TYW1B: variants seen among roughly 807,000 people sequenced by gnomAD.
The protein encoded by TYW1B is tRNA-yW synthesizing protein 1 homolog B, also known as S-adenosyl-L-methionine-dependent tRNA 4-demethylwyosine synthase TYW1B.
In TYW1B, 73 loss-of-function variants were observed where a neutral mutation model predicts 86.9. The observed-to-expected ratio is 0.84, with a 90% confidence interval of 0.70 to 1.02. The LOEUF (loss-of-function observed/expected upper bound fraction) is 1.02, where lower values mean the gene tolerates loss of function less well. TYW1B is among the 50% of genes least tolerant of loss of function. The pLI is 0.00. For missense variants in TYW1B, 637 were observed against 827.4 expected (o/e 0.77, Z 2.82); for synonymous variants, 248 against 292.8 (o/e 0.85, Z 1.56).
At chr7:72,668,179 G>A (rs1158549849) in intron 11 of TYW1B, among the ~76,000 whole-genome samples, 1 of 152,104 alleles carries the variant, frequency 6.6e-6, no homozygotes, top group African/African-American at 2.4e-5. Flanking sequence ...TTGTTTTTCT[G>A]TAATGTTATC....
chr7:72,583,672 C>T (rs1423884466), intron 13 of TYW1B, among the ~76,000 whole-genome samples: 3 of 152,208 alleles, frequency 2.0e-5, no homozygotes, highest in Non-Finnish European at 4.4e-5. Context: ...CATCAACAAC[C>T]TCAGCCAAAA....
At chr7:72,750,726 T>C (rs782237013) in intron 7 of TYW1B, among the ~76,000 whole-genome samples, 1 of 152,198 alleles carries the variant, frequency 6.6e-6, no homozygotes, top group Non-Finnish European at 1.5e-5. Context: ...TTACCACAAA[T>C]TAAGCATCCC....
At chr7:72,791,742 CTCT>C (rs1318949693) in intron 6 of TYW1B, among the ~76,000 whole-genome samples, 1 of 152,160 alleles carries the variant, frequency 6.6e-6, no homozygotes, top group Non-Finnish European at 1.5e-5. Context: ...CGCCACTGCA[CTCT>C]GGCCTGGGCA....
rs530906792 is a variant in TYW1B at position 72,642,592 on chromosome 7, T to C, written c.1507-13595A>G. 5.9e-5 allele frequency among the ~76,000 whole-genome samples: 9 copies of C among 152,260 alleles called. No homozygotes were observed. In the East Asian group the frequency reaches 1.3e-3, roughly 23 times the overall value. Reference sequence around the variant, plus strand: ...TATAGTACATATCCATCCAAGAGAATAGTATTCAGCAAAAAAGCTGAAGTT... The same window carrying C: ...TATAGTACATATCCATCCAAGAGAACAGTATTCAGCAAAAAAGCTGAAGTT... On this transcript the variant is annotated intron_variant, in intron 11 of 13. Transcript: ENST00000620995.
At chr7:72,670,477 C>T (rs1181857843) in intron 11 of TYW1B, among the ~76,000 whole-genome samples, 1 of 152,220 alleles carries the variant, frequency 6.6e-6, no homozygotes. Context: ...AGGTGTGAGC[C>T]ACCACGTCTG....
intron 10 of TYW1B, among the ~76,000 whole-genome samples, chr7:72,709,139 C>T (rs1814682332): frequency 6.6e-6 from 1 of 152,162 alleles, no homozygotes; most frequent in African/African-American, 2.4e-5. Context: ...CTTCCCATAT[C>T]CTAGCAGTAA....
At chr7:72,777,957 A>T (rs1407104885) in intron 6 of TYW1B, among the ~76,000 whole-genome samples, 2 of 152,172 alleles carry the variant, frequency 1.3e-5, no homozygotes, top group African/African-American at 4.8e-5. Flanking sequence ...AATTGTTTTA[A>T]AAAAGGGCTG....
At chr7:72,755,849 T>C (rs182049429) in intron 7 of TYW1B, among the ~76,000 whole-genome samples, 3 of 152,348 alleles carry the variant, frequency 2.0e-5, no homozygotes, top group Admixed American at 2.0e-4. Flanking sequence ...ATTTTGACAA[T>C]GGCAGAGGCC....
intron 11 of TYW1B, among the ~76,000 whole-genome samples, chr7:72,671,901 A>G (rs2844198): frequency 2.0e-3 from 304 of 150,974 alleles, no homozygotes; most frequent in Middle Eastern, 6.9e-3. Flanking sequence ...TATGTAAGTG[A>G]GAAAAATTCA....
intron 6 of TYW1B, among the ~76,000 whole-genome samples, chr7:72,797,997 C>T (rs551186363): frequency 2.6e-5 from 2 of 76,240 alleles, no homozygotes; most frequent in South Asian, 5.2e-4. Flanking sequence ...CTAGAAAATA[C>T]TATTTATATA....
intron 11 of TYW1B, among the ~76,000 whole-genome samples, chr7:72,644,891 G>C (rs1156420507): frequency 2.1e-5 from 3 of 146,190 alleles, no homozygotes; most frequent in African/African-American, 7.7e-5. Flanking sequence ...GCAGTGCCGC[G>C]ATCTCGGCTC....
At chr7:72,776,934 T>C (rs1244302470) in intron 7 of TYW1B, among the ~76,000 whole-genome samples, 4 of 151,930 alleles carry the variant, frequency 2.6e-5, no homozygotes, top group East Asian at 1.9e-4. Flanking sequence ...CTCATAAATA[T>C]AGAGGGGAAG....
chr7:72,637,711 GT>G (rs1483438810), intron 11 of TYW1B, among the ~76,000 whole-genome samples: 1 of 142,512 alleles, frequency 7.0e-6, no homozygotes, highest in Non-Finnish European at 1.5e-5. Context: ...AAAAAACATT[GT>G]GGGTACCAAT....
At position 72,713,580 on chromosome 7, in the gene TYW1B, A is replaced by G. The variant is rs1489287932; in HGVS notation, c.1370+41T>C. On this transcript the variant is annotated intron_variant, in intron 10 of 13. Transcript: ENST00000620995. ...TATTAGTTTTACTTTGCAGTGAAAC[A>G]TAGATTCAAGCAGCATCTCTCCATA... 4.6e-6 allele frequency: 7 copies of G among 1,529,868 alleles called. No homozygotes were observed. In the African/African-American group the frequency reaches 8.4e-5, roughly 18 times the overall value. 94.8% of individuals were successfully genotyped at this position (1,529,868 alleles called of 1,614,324 possible).
At chr7:72,760,864 T>C (rs925623831) in intron 7 of TYW1B, among the ~76,000 whole-genome samples, 3 of 152,200 alleles carry the variant, frequency 2.0e-5, no homozygotes, top group Non-Finnish European at 2.9e-5. Context: ...AACAGAATGA[T>C]CTTCGTTTGT....
chr7:72,673,303 G>A (rs1207799926), intron 11 of TYW1B, among the ~76,000 whole-genome samples: 1 of 152,218 alleles, frequency 6.6e-6, no homozygotes, highest in African/African-American at 2.4e-5. Context: ...GCACTCCCAT[G>A]TTTATTGCAA....
At position 72,757,324 on chromosome 7, in the gene TYW1B, C is replaced by T. The variant is rs187372503; in HGVS notation, c.965-12723G>A. Among the ~76,000 whole-genome samples the T allele has an allele frequency of 2.8e-3, 408 of 147,162 alleles. 2 individuals are homozygous for T. Among genetic ancestry groups the T allele is most frequent in the African/African-American group, 9.2e-3 (367 of 39,994 alleles). On this transcript the variant is annotated intron_variant, in intron 7 of 13. Transcript: ENST00000620995. ...CGGAGGTTGCAGTGAGCCAAGATCG[C>T]ACCACTGCACTACAGCCTGGGTGAC...
At chr7:72,751,041 C>CT (rs376564412) in intron 7 of TYW1B, among the ~76,000 whole-genome samples, 163 of 146,564 alleles carry the variant, frequency 1.1e-3, no homozygotes, top group Middle Eastern at 3.5e-3. Flanking sequence ...GGTAAATTCC[C>CT]TTTTTTTTTT....
At chr7:72,717,727 T>C (rs1786818830) in intron 9 of TYW1B, among the ~76,000 whole-genome samples, 1 of 151,934 alleles carries the variant, frequency 6.6e-6, no homozygotes, top group Non-Finnish European at 1.5e-5. Context: ...TACGAAAGTG[T>C]AAGTTACGTG....
Sources: allele counts gnomAD v4.1 joint callset (sites outside exome capture counted in the v4.1 genomes callset), GRCh38; gene constraint gnomAD v4.1.1; transcripts MANE v1.5; gene names NCBI Gene and HGNC (gene_info 2026-07-23, HGNC 2026-07-21).